KLHL28: variants seen among roughly 807,000 people sequenced by gnomAD.
The protein encoded by KLHL28 is kelch like family member 28.
In KLHL28, 22 loss-of-function variants were observed where a neutral mutation model predicts 48.3. The observed-to-expected ratio is 0.46, with a 90% CI of 0.33 to 0.65. The LOEUF (loss-of-function observed/expected upper bound fraction) is 0.65, where lower values mean the gene tolerates loss of function less well. Ranked by LOEUF, KLHL28 falls within the 30% of genes least tolerant of loss-of-function variation. The pLI is 0.03. For synonymous variants in KLHL28, 243 were observed against 242.4 expected, an observed-to-expected ratio of 1.00 and a Z score of -0.02; for missense variants, 527 against 704.3, an observed-to-expected ratio of 0.75 and a Z score of 2.85.
intron 3 of KLHL28, among the ~76,000 whole-genome samples, chr14:44,932,945 A>C (rs746235017): frequency 6.6e-4 from 101 of 152,296 alleles, no homozygotes; most frequent in Non-Finnish European, 1.2e-3. Flanking sequence ...AACAAACCTC[A>C]GTATTTGTAG....
chr14:44,945,562 C>G lies in KLHL28; in HGVS notation c.367G>C (p.Glu123Gln), dbSNP rs753715553. 5.6e-6 allele frequency: 9 copies of G among 1,614,058 alleles called. No homozygotes were observed. The Admixed American group carries it at 1.0e-4, about 18-fold the overall frequency. The change falls in exon 2 of 5, where the codon GAA becomes CAA. Residue 123 changes from glutamate (E) to glutamine (Q), a missense_variant. Glu to Gln is a conservative substitution (Grantham distance 29). Transcript: ENST00000396128. ...NLLQIKLVLK[E>Q]CCAFLESQLD... is the part of the protein sequence containing the mutation. Reference sequence around the variant, plus strand: ...TGGCTTTCAAGAAATGCACAACATTCTTTCAGGACAAGTTTTATCTGGAGT... The same window carrying G: ...TGGCTTTCAAGAAATGCACAACATTGTTTCAGGACAAGTTTTATCTGGAGT...
chr14:44,941,254 CTTCA>C (rs1368482240), intron 2 of KLHL28, among the ~76,000 whole-genome samples: 1 of 152,148 alleles, frequency 6.6e-6, no homozygotes. Context: ...AAAGAAAAGT[CTTCA>C]TTCAGTTTAT....
intron 1 of KLHL28, among the ~76,000 whole-genome samples, chr14:44,955,912 T>C (rs1884776384): frequency 1.3e-5 from 2 of 152,200 alleles, no homozygotes; most frequent in Admixed American, 6.5e-5. Flanking sequence ...AAACTGATCA[T>C]CAATAATAAT....
At chr14:44,939,050 C>A (rs1239624011) in intron 2 of KLHL28, among the ~76,000 whole-genome samples, 4 of 152,190 alleles carry the variant, frequency 2.6e-5, no homozygotes, top group Admixed American at 2.0e-4. Flanking sequence ...TTGTAGTCTG[C>A]AAGCCTGTAG....
Position 44,934,437 on chromosome 14 carries a change from T to A in KLHL28, c.1021A>T (p.Thr341Ser). ...ATAGTGACGCCAGGACGCACATTAG[T>A]TGCAATACCACCTATAACATATACT... ...QKVYVIGGIA[T>S]NVRPGVTIRK... Residue 341 changes from threonine (T) to serine (S), a missense_variant, in exon 3 of 5, where the codon ACT becomes TCT. Thr to Ser is a moderately conservative substitution (Grantham distance 58). Transcript: ENST00000396128. The A allele has an allele frequency of 6.2e-7, 1 of 1,614,162 alleles. No homozygotes were observed. Among genetic ancestry groups the A allele is most frequent in the Non-Finnish European group, 8.5e-7 (1 of 1,180,012 alleles).
intron 1 of KLHL28, chr14:44,959,315 T>C (rs1053796640): frequency 1.3e-5 from 2 of 152,104 alleles, no homozygotes; most frequent in Non-Finnish European, 2.9e-5. Flanking sequence ...TTGTGAGGAT[T>C]AAATGAGTTA....
At chr14:44,959,618 T>C (rs1425097275) in intron 1 of KLHL28, 1 of 152,124 alleles carries the variant, frequency 6.6e-6, no homozygotes, top group African/African-American at 2.4e-5. Flanking sequence ...AGGGCAATTG[T>C]GTTTACCCTT....
chr14:44,953,412 T>C (rs941619303), intron 1 of KLHL28, among the ~76,000 whole-genome samples: 3 of 152,170 alleles, frequency 2.0e-5, no homozygotes, highest in Non-Finnish European at 2.9e-5. Context: ...TATTGAGAGG[T>C]AGGGCTTTTA....
At chr14:44,960,890 G>C in intron 1 of KLHL28, 2 of 1,531,770 alleles carry the variant, frequency 1.3e-6, no homozygotes, top group African/African-American at 1.4e-5. Flanking sequence ...ATCCCACCTG[G>C]TACAGAGCAG....
In KLHL28 at chr14:44,929,044, C is replaced by A; in HGVS notation, c.1700G>T (p.Gly567Val). ...AGMIYCRCNF[G>V]LTAL ...TCACATTTGTCAAAGTGCAGTTAAC[C>A]CAAAGTTGCAGCGACAGTATATCAT... The change falls in exon 5 of 5, where the codon GGG (glycine) becomes GTG (valine). Residue 567 changes from glycine to valine, a missense_variant. By Grantham distance (109) the Gly-to-Val change is moderately radical. Transcript: ENST00000396128. 1 of 1,613,210 alleles carries A rather than the reference C, an allele frequency of 6.2e-7. No individual in the cohort carries two copies. Among genetic ancestry groups the A allele is most frequent in the South Asian group, 1.1e-5 (1 of 91,002 alleles).
At position 44,928,321 on chromosome 14, in the gene KLHL28, A is replaced by T. The variant is rs1201740797; in HGVS notation, c.*707T>A. ...AACCATAGCATAGATAGGTAATTAA[A>T]TTCATCCAACGTTAACCTGCCCATA... On this transcript the variant is annotated 3_prime_UTR_variant, in exon 5 of 5. Transcript: ENST00000396128. 3.3e-5 allele frequency: 5 copies of T among 152,148 alleles called. No individual in the cohort carries two copies. The highest frequency in any genetic ancestry group is 2.6e-4 in the Admixed American group (4 of 15,280). 9.4% of individuals were successfully genotyped at this position (152,148 alleles called of 1,614,324 possible).
At chr14:44,939,139 T>G (rs1487201311) in intron 2 of KLHL28, among the ~76,000 whole-genome samples, 1 of 152,170 alleles carries the variant, frequency 6.6e-6, no homozygotes, top group African/African-American at 2.4e-5. Flanking sequence ...TCTGGGCCTA[T>G]TTGAGCCACA....
chr14:44,961,507 C>A (rs529430238), intron 1 of KLHL28: 1 of 151,904 alleles, frequency 6.6e-6, no homozygotes, highest in South Asian at 2.1e-4. Flanking sequence ...AAAAATTAAC[C>A]CTCTGCGGCC....
chr14:44,931,369 A>G lies in KLHL28; in HGVS notation c.1516T>C (p.Trp506Arg). 1 of 1,613,932 alleles carries G rather than the reference A, an allele frequency of 6.2e-7. No homozygotes were observed. The highest frequency in any genetic ancestry group is 1.1e-5 in the South Asian group (1 of 91,080). ...IERYDPHQNQ[W>R]TVCRPMKEPR... is the part of the protein sequence containing the mutation. ...TCTTTCATTGGTCTACACACAGTCC[A>G]CTGATTTTGATGAGGATCGTATCTT... The change falls in exon 4 of 5, where the codon TGG becomes CGG. Residue 506 changes from tryptophan (W) to arginine (R), a missense_variant. By Grantham distance (101) the Trp-to-Arg change is moderately radical (BLOSUM62 -3). Transcript: ENST00000396128.
chr14:44,961,537 A>C (rs934509412), intron 1 of KLHL28: 2 of 152,138 alleles, frequency 1.3e-5, no homozygotes, highest in Non-Finnish European at 2.9e-5. Flanking sequence ...AGAGAAGTCG[A>C]CAAAAGGAGA....
chr14:44,958,067 T>A lies in KLHL28; in HGVS notation c.-1+3779A>T, dbSNP rs184081323. Among the ~76,000 whole-genome samples, 102 of 148,948 alleles carry A rather than the reference T, an allele frequency of 6.8e-4. 1 individual carries two copies. The highest frequency in any genetic ancestry group is 6.1e-3 in the Admixed American group (92 of 15,092). On this transcript the variant is annotated intron_variant, in intron 1 of 4. Coordinates refer to ENST00000396128, the MANE Select transcript of KLHL28 (RefSeq NM_017658.5). ...AGGTTCCTCCATATCTCTGCCATAG[T>A]TTTTGTTCTTTTTTTTTTTTTTTAA...
chr14:44,928,333 TTAACC>T lies in KLHL28; in HGVS notation c.*690_*694del, dbSNP rs1314637460. On this transcript the variant is annotated 3_prime_UTR_variant, in exon 5 of 5. Coordinates refer to ENST00000396128, the MANE Select transcript of KLHL28 (RefSeq NM_017658.5). Reference sequence around the variant, plus strand: ...GATAGGTAATTAAATTCATCCAACGTTAACCTGCCCATATACAAAAGGCATAAACA... The same window carrying T: ...GATAGGTAATTAAATTCATCCAACGTTGCCCATATACAAAAGGCATAAACA... 6.6e-6 allele frequency: 1 copy of T among 152,132 alleles called. No homozygotes were observed. Among genetic ancestry groups the T allele is most frequent in the African/African-American group, 2.4e-5 (1 of 41,416 alleles). The allele number at this position is 152,132 out of a possible 1,614,324, so 9.4% of individuals were successfully genotyped here. A position where few individuals can be genotyped will look rare whatever the true frequency, so the allele number is the denominator to read the frequency against.
At chr14:44,939,815 G>A (rs1883993338) in intron 2 of KLHL28, among the ~76,000 whole-genome samples, 1 of 152,062 alleles carries the variant, frequency 6.6e-6, no homozygotes. Context: ...TCTATTCACG[G>A]CAATCTAGGC....
At chr14:44,957,984 G>A (rs1191558249) in intron 1 of KLHL28, among the ~76,000 whole-genome samples, 1 of 150,832 alleles carries the variant, frequency 6.6e-6, no homozygotes, top group African/African-American at 2.4e-5. Context: ...AAATAAAGAA[G>A]GATCCATGGA....
Sources: gnomAD v4.1 joint callset for allele counts (sites outside exome capture counted in the v4.1 genomes callset) on GRCh38, gnomAD v4.1.1 for gene constraint, MANE v1.5 for transcripts, NCBI Gene and HGNC (gene_info 2026-07-23, HGNC 2026-07-21) for gene names.